TRIP10: variants seen among roughly 807,000 people sequenced by gnomAD.
The protein encoded by TRIP10 is cdc42-interacting protein 4.
In TRIP10, 54 loss-of-function variants were observed where a neutral mutation model predicts 80.9. That is an observed-to-expected ratio of 0.67 (90% confidence interval 0.54 to 0.84). The LOEUF is 0.84. TRIP10 is among the 40% of genes least tolerant of loss of function. The pLI is 0.00. For missense variants in TRIP10, 773 were observed against 815.3 expected (o/e 0.95, Z 0.63); for synonymous variants, 321 against 307.2 (o/e 1.04, Z -0.47).
At chr19:6,742,884 C>A in intron 3 of TRIP10, 83 bp from the exon 4 acceptor site, 1 of 1,542,190 alleles carries the variant, frequency 6.5e-7, no homozygotes, top group Non-Finnish European at 8.7e-7. Flanking sequence ...AACCCTTTTC[C>A]ACCTGGAGGT....
In TRIP10 at chr19:6,744,960, G is replaced by C. The variant is rs932047899; in HGVS notation, c.950G>C (p.Arg317Pro). The change falls in exon 9 of 15, where the codon CGC becomes CCC. Residue 317 changes from arginine to proline, a missense_variant. Coordinates refer to ENST00000313244, the MANE Select transcript of TRIP10 (RefSeq NM_001288962.2). The surrounding 1 kb of genome is among the most constrained non-coding windows in gnomAD (Gnocchi z 4.9). ...GAACTCCGAGGCCCGGGTCGCAGCCGCACCAAGCGCTGGCCTTTTGGCAAG... is the reference window on the plus strand; with the variant it reads ...GAACTCCGAGGCCCGGGTCGCAGCCCCACCAAGCGCTGGCCTTTTGGCAAG... ...RPELRGPGRS[R>P]TKRWPFGKKN... is the part of the protein sequence containing the mutation. 1 of 1,613,698 alleles carries C rather than the reference G, an allele frequency of 6.2e-7. No individual in the cohort carries two copies. Among genetic ancestry groups the C allele is most frequent in the Admixed American group, 1.7e-5 (1 of 59,978 alleles).
rs1969037337 is a variant in TRIP10, at chr19:6,744,473, GATC to G, written c.643-78_643-76del. 1.3e-6 allele frequency: 2 copies of G among 1,587,718 alleles called. No individual in the cohort carries two copies. Among genetic ancestry groups the G allele is most frequent in the African/African-American group, 1.3e-5 (1 of 74,576 alleles). On this transcript the variant is annotated intron_variant, in intron 7 of 14. Coordinates refer to ENST00000313244, the MANE Select transcript of TRIP10 (RefSeq NM_001288962.2). The surrounding 1 kb of genome is among the most constrained non-coding windows in gnomAD (Gnocchi z 4.9). The stretch of plus-strand genomic sequence containing the variant: ...TGGGGCTGGGGCCAGCGTGGAGCGC[GATC>G]ATATTTGCAGAGTGAATCACTGTGC...
chr19:6,746,028 G>T lies in TRIP10; in HGVS notation c.985-1G>T. ...TCCCCCTCCCCGGCCCCCGCCGGTA[G>T]CCTCGCCCCCCACCCCTCTCCCCCC... On this transcript the variant is annotated splice_acceptor_variant, in intron 9 of 14. Coordinates refer to ENST00000313244, the MANE Select transcript of TRIP10 (RefSeq NM_001288962.2). LOFTEE classifies it high-confidence loss of function. The surrounding 1 kb of genome is among the most constrained non-coding windows in gnomAD (Gnocchi z 6.2). The T allele has an allele frequency of 1.2e-6, 1 of 864,242 alleles. No homozygotes were observed. 53.5% of individuals were successfully genotyped at this position (864,242 alleles called of 1,614,324 possible).
chr19:6,741,637 C>T (rs1433305179), intron 3 of TRIP10, among the ~76,000 whole-genome samples: 3 of 152,104 alleles, frequency 2.0e-5, no homozygotes, highest in African/African-American at 7.2e-5. Context: ...CTTTGTAGGG[C>T]TTTCATGAAC....
chr19:6,750,383 C>T lies in TRIP10; in HGVS notation c.1487C>T (p.Ala496Val), dbSNP rs764177233. Residue 496 changes from alanine (A) to valine (V), a missense_variant, in exon 13 of 15, where the codon GCC becomes GTC. Transcript: ENST00000313244. The part of the protein sequence containing the change: ...HARPPDPPAS[A>V]PPDSSSNSAS... ...CGGCCTCCCGACCCCCCCGCTAGCG[C>T]CCCGCCAGACAGCAGCAGCAACAGC... is the stretch of plus-strand genomic sequence containing the variant. The T allele has an allele frequency of 9.3e-6, 15 of 1,614,122 alleles. No individual in the cohort carries two copies. The highest frequency in any genetic ancestry group is 1.3e-5 in the Non-Finnish European group (15 of 1,180,020).
rs1007568691 is a variant in TRIP10, at chr19:6,750,560, G to A, written c.1584G>A (p.Thr528=). Reference sequence around the variant, plus strand: ...AGAGCCAGGACACCCCCATTTACACGGAGTTTGATGAGGATTTCGAGGAGG... The same window carrying A: ...AGAGCCAGGACACCCCCATTTACACAGAGTTTGATGAGGATTTCGAGGAGG... ...SEESQDTPIY[T]EFDEDFEEEP... is the part of the protein sequence containing the mutation. Residue 528 remains threonine (T), a synonymous_variant, in exon 14 of 15, where the codon ACG becomes ACA. Transcript: ENST00000313244. 12 of 1,614,076 alleles carry A rather than the reference G, an allele frequency of 7.4e-6. No individual in the cohort carries two copies. The highest frequency in any genetic ancestry group is 1.6e-4 in the Middle Eastern group (1 of 6,084).
chr19:6,746,053 C>CTGGG lies in TRIP10; in HGVS notation c.1010_1013dup (p.Pro340GlyfsTer9). 1 of 1,443,130 alleles carries CTGGG rather than the reference C, an allele frequency of 6.9e-7. No individual in the cohort carries two copies. Among genetic ancestry groups the CTGGG allele is most frequent in the Non-Finnish European group, 9.2e-7 (1 of 1,089,356 alleles). 89.4% of individuals were successfully genotyped at this position (1,443,130 alleles called of 1,614,324 possible). A position where few individuals can be genotyped will look rare whatever the true frequency, so the allele number is the denominator to read the frequency against. Reference sequence around the variant, plus strand: ...GCCTCGCCCCCCACCCCTCTCCCCCCTGGGGGGCCCCGTACCCTCGGCATT... The same window carrying CTGGG: ...GCCTCGCCCCCCACCCCTCTCCCCCCTGGGTGGGGGGCCCCGTACCCTCGGCATT... On this transcript the variant is annotated frameshift_variant, in exon 10 of 15. Coordinates refer to ENST00000313244, the MANE Select transcript of TRIP10 (RefSeq NM_001288962.2). LOFTEE classifies it high-confidence loss of function. This position sits in a 1 kb window ranked among gnomAD's most constrained non-coding sequence, Gnocchi z 6.2.
intron 11 of TRIP10, among the ~76,000 whole-genome samples, chr19:6,747,813 A>ATAATAT (rs1969182333): frequency 6.6e-6 from 1 of 151,404 alleles, no homozygotes; most frequent in African/African-American, 2.4e-5. Context: ...AATAATAATA[A>ATAATAT]TAATACATTA....
rs1449032377 is a variant in TRIP10, at chr19:6,751,264, G to A, written c.*53G>A. On this transcript the variant is annotated 3_prime_UTR_variant, in exon 15 of 15. Coordinates refer to ENST00000313244, the MANE Select transcript of TRIP10 (RefSeq NM_001288962.2). The stretch of plus-strand genomic sequence containing the variant: ...CTGTCGGCTGCTGCTTCTGGGCCAC[G>A]GGGAGCCCCAGGACCTATGCACTTT... 18 of 1,612,582 alleles carry A rather than the reference G, an allele frequency of 1.1e-5. No homozygotes were observed. The highest frequency in any genetic ancestry group is 3.3e-5 in the South Asian group (3 of 90,932).
In TRIP10 at chr19:6,741,019, G is replaced by C. The variant is rs970149846; in HGVS notation, c.34G>C (p.Glu12Gln). 6.2e-7 allele frequency: 1 copy of C among 1,613,664 alleles called. No homozygotes were observed. Among genetic ancestry groups the C allele is most frequent in the Admixed American group, 1.7e-5 (1 of 60,020 alleles). ...DWGTELWDQF[E>Q]VLERHTQWGL... ...CCATGTCCCATGTCAGGATCAGTTCGAGGTGCTCGAGCGCCACACGCAGTG... is the reference window on the plus strand; with the variant it reads ...CCATGTCCCATGTCAGGATCAGTTCCAGGTGCTCGAGCGCCACACGCAGTG... Residue 12 changes from glutamate to glutamine, a missense_variant, in exon 2 of 15, where the codon GAG (glutamate) becomes CAG (glutamine). By Grantham distance (29) the Glu-to-Gln change is conservative (BLOSUM62 2). Transcript: ENST00000313244.
Position 6,750,054 on chromosome 19 carries a change from G to A in TRIP10, c.1383G>A (p.Val461=). 1 of 1,601,492 alleles carries A rather than the reference G, an allele frequency of 6.2e-7. No homozygotes were observed. The highest frequency in any genetic ancestry group is 8.5e-7 in the Non-Finnish European group (1 of 1,174,072). Residue 461 remains valine (V), a synonymous_variant, in exon 12 of 15, where the codon GTG becomes GTA. Coordinates refer to ENST00000313244, the MANE Select transcript of TRIP10 (RefSeq NM_001288962.2). ...LSNIERLKLE[V]QKYEAWLAEA... ...ACATTGAACGGCTGAAATTGGAAGT[G>A]CAGAAGTATGAGGTCAGGAAAGACC...
At position 6,750,070 on chromosome 19, in the gene TRIP10, A is replaced by G. The variant is rs977565255; in HGVS notation, c.1395+4A>G. On this transcript the variant is annotated splice_donor_region_variant and intron_variant, in intron 12 of 14. Coordinates refer to ENST00000313244, the MANE Select transcript of TRIP10 (RefSeq NM_001288962.2). ...ATTGGAAGTGCAGAAGTATGAGGTC[A>G]GGAAAGACCCTGGGGAGGGGCGGGA... is the stretch of plus-strand genomic sequence containing the variant. The G allele has an allele frequency of 2.6e-5, 38 of 1,466,686 alleles. No homozygotes were observed. The African/African-American group carries it at 5.2e-4, about 20-fold the overall frequency. The allele number at this position is 1,466,686 out of a possible 1,614,324, so 90.9% of individuals were successfully genotyped here. A position where few individuals can be genotyped will look rare whatever the true frequency, so the allele number is the denominator to read the frequency against.
Position 6,741,198 on chromosome 19 carries a change from AGCCCTCCTACCTCTGTCTCC to A in TRIP10, c.141-26_141-7del. ...GGAGCGGTGGGAGGGCTGCGGGCTCAGCCCTCCTACCTCTGTCTCCCCTTAGGAGCCTGGTGAAAAAATAT... is the reference window on the plus strand; with the variant it reads ...GGAGCGGTGGGAGGGCTGCGGGCTCACCTTAGGAGCCTGGTGAAAAAATAT... On this transcript the variant is annotated splice_polypyrimidine_tract_variant and splice_region_variant and intron_variant, in intron 2 of 14. Transcript: ENST00000313244. 1 of 1,612,946 alleles carries A rather than the reference AGCCCTCCTACCTCTGTCTCC, an allele frequency of 6.2e-7. No homozygotes were observed. The highest frequency in any genetic ancestry group is 1.1e-5 in the South Asian group (1 of 91,024).
In TRIP10 at chr19:6,746,080, C is replaced by A. The variant is rs1391181302; in HGVS notation, c.1036C>A (p.Pro346Thr). ...GGGGGGCCCCGTACCCTCGGCATTG[C>A]CTAACGGACCCCCGTCCCCCCGCTC... ...PLGGPVPSAL[P>T]NGPPSPRSGR... Residue 346 changes from proline (P) to threonine (T), a missense_variant, in exon 10 of 15, where the codon CCT becomes ACT. Physicochemically the swap from Pro to Thr is conservative, Grantham distance 38. Coordinates refer to ENST00000313244, the MANE Select transcript of TRIP10 (RefSeq NM_001288962.2). This position sits in a 1 kb window ranked among gnomAD's most constrained non-coding sequence, Gnocchi z 6.2. The A allele has an allele frequency of 1.4e-6, 2 of 1,411,326 alleles. No individual in the cohort carries two copies. The highest frequency in any genetic ancestry group is 7.0e-5 in the East Asian group (2 of 28,760). The allele number at this position is 1,411,326 out of a possible 1,614,324, so 87.4% of individuals were successfully genotyped here.
rs780048611 is a variant in TRIP10 at position 6,744,710 on chromosome 19, T to C, written c.789+10T>C. 3.6e-5 allele frequency: 57 copies of C among 1,594,814 alleles called. No individual in the cohort carries two copies. Among genetic ancestry groups the C allele is most frequent in the Non-Finnish European group, 4.5e-5 (53 of 1,169,344 alleles). On this transcript the variant is annotated intron_variant, in intron 8 of 14. Transcript: ENST00000313244. This position sits in a 1 kb window ranked among gnomAD's most constrained non-coding sequence, Gnocchi z 4.9. The stretch of plus-strand genomic sequence containing the variant: ...TGTGGATCCCAAGAACGTGGGTGCC[T>C]GGTCTGGGTCCACTGGGCTACGGGA...
chr19:6,743,428 C>A, intron 5 of TRIP10, 66 bp from the exon 6 acceptor site: 1 of 1,582,632 alleles, frequency 6.3e-7, no homozygotes, highest in Non-Finnish European at 8.7e-7. Context: ...TCCCTGAAAC[C>A]TTGGTTTCCC....
At chr19:6,742,622 G>GA (rs201245938) in intron 3 of TRIP10, among the ~76,000 whole-genome samples, 4 of 149,334 alleles carry the variant, frequency 2.7e-5, no homozygotes, top group African/African-American at 7.4e-5. Flanking sequence ...ACCTCATCTG[G>GA]AAAAAAAAAA....
At chr19:6,740,444 C>A (rs544579970) in intron 1 of TRIP10, among the ~76,000 whole-genome samples, 11 of 152,352 alleles carry the variant, frequency 7.2e-5, no homozygotes, top group African/African-American at 2.6e-4. Flanking sequence ...GCGGTGGAAT[C>A]CCTGAGTTCT....
rs757071130 is a variant in TRIP10, at chr19:6,741,078, C to T, written c.93C>T (p.Phe31=). ...ACCTGTTGGACAGATATGTAAAGTT[C>T]GTGAAAGAACGCACCGAAGTGGAAC... ...GLDLLDRYVK[F]VKERTEVEQA... is the part of the protein sequence containing the mutation. The change falls in exon 2 of 15, where the codon TTC becomes TTT. Residue 31 remains phenylalanine, a synonymous_variant. Coordinates refer to ENST00000313244, the MANE Select transcript of TRIP10 (RefSeq NM_001288962.2). 9.3e-6 allele frequency: 15 copies of T among 1,614,044 alleles called. No individual in the cohort carries two copies. The highest frequency in any genetic ancestry group is 1.3e-5 in the African/African-American group (1 of 74,938).
Sources: gnomAD v4.1 joint callset for allele counts (sites outside exome capture counted in the v4.1 genomes callset) on GRCh38, gnomAD v4.1.1 for gene constraint, Gnocchi (gnomAD v3.1) non-coding constraint, MANE v1.5 for transcripts, NCBI Gene and HGNC (gene_info 2026-07-23, HGNC 2026-07-21) for gene names.